PCED1B: variants seen among roughly 807,000 people sequenced by gnomAD.
PCED1B encodes the protein PC-esterase domain containing 1B, also known as PC-esterase domain-containing protein 1B.
For missense variants in PCED1B, 573 were observed against 573.9 expected (o/e 1.00, Z 0.02); for synonymous variants, 251 against 246.1 (o/e 1.02, Z -0.19).
chr12:47,235,362 A>C lies in PCED1B; in HGVS notation c.299A>C (p.Asp100Ala). 6.2e-7 allele frequency: 1 copy of C among 1,614,102 alleles called. No homozygotes were observed. Residue 100 changes from aspartate to alanine, a missense_variant, in exon 4 of 4, where the codon GAT becomes GCT. Asp to Ala is a moderately radical substitution (Grantham distance 126). Coordinates refer to ENST00000546455, the MANE Select transcript of PCED1B (RefSeq NM_138371.3). Reference protein sequence around the residue: ...RFYFLTRVYSDYLQTILKELQ... With the variant: ...RFYFLTRVYSAYLQTILKELQ... Reference sequence around the variant, plus strand: ...TACTTCCTCACCCGCGTGTACTCCGATTACCTCCAGACCATCTTGAAAGAG... The same window carrying C: ...TACTTCCTCACCCGCGTGTACTCCGCTTACCTCCAGACCATCTTGAAAGAG...
At position 47,222,117 on chromosome 12, in the gene PCED1B, A is replaced by T. The variant is rs855190; in HGVS notation, c.-58+5428A>T. ...GACTCTATCTCTTAAAAAAAAAATTAAAAAAAAAAAAAAAAAAAACGCCCG... is the reference window on the plus strand; with the variant it reads ...GACTCTATCTCTTAAAAAAAAAATTTAAAAAAAAAAAAAAAAAAACGCCCG... On this transcript the variant is annotated intron_variant, in intron 3 of 3. Transcript: ENST00000546455. Among the ~76,000 whole-genome samples the T allele has an allele frequency of 5.1e-3, 50 of 9,818 alleles. 1 individual carries two copies. The highest frequency in any genetic ancestry group is 0.014 in the African/African-American group (10 of 722). The allele number at this position is 9,818 out of a possible 152,430, so 6.4% of individuals were successfully genotyped here.
At chr12:47,140,130 T>A (rs1420827769) in intron 2 of PCED1B, among the ~76,000 whole-genome samples, 1 of 152,232 alleles carries the variant, frequency 6.6e-6, no homozygotes, top group East Asian at 1.9e-4. Flanking sequence ...CTACCTTGCA[T>A]ATGTTACTGC....
At chr12:47,166,685 C>T (rs1421106436) in intron 2 of PCED1B, among the ~76,000 whole-genome samples, 1 of 152,006 alleles carries the variant, frequency 6.6e-6, no homozygotes, top group Non-Finnish European at 1.5e-5. Context: ...TTTCTACAAA[C>T]AAGTAACTAA....
chr12:47,088,173 C>T (rs1938078781), intron 1 of PCED1B, among the ~76,000 whole-genome samples: 8 of 152,156 alleles, frequency 5.3e-5, no homozygotes, highest in Admixed American at 5.2e-4. Context: ...GAGTACTTGC[C>T]TTATTGCCCT....
intron 1 of PCED1B, among the ~76,000 whole-genome samples, chr12:47,087,173 T>C (rs1236843343): frequency 6.6e-6 from 1 of 152,162 alleles, no homozygotes; most frequent in East Asian, 1.9e-4. Flanking sequence ...CACATTAATA[T>C]AGGAGAAGAT....
chr12:47,161,057 C>T (rs1941362152), intron 2 of PCED1B, among the ~76,000 whole-genome samples: 1 of 152,188 alleles, frequency 6.6e-6, no homozygotes, highest in African/African-American at 2.4e-5. Flanking sequence ...ACACATGCAA[C>T]AAAAGCCTTC....
At chr12:47,228,145 G>T (rs189344726) in intron 3 of PCED1B, among the ~76,000 whole-genome samples, 1 of 150,048 alleles carries the variant, frequency 6.7e-6, no homozygotes, top group African/African-American at 2.5e-5. Flanking sequence ...AGCAATTCTC[G>T]TGCCTCAGCC....
chr12:47,144,657 G>A (rs1299840887), intron 2 of PCED1B, among the ~76,000 whole-genome samples: 15 of 152,124 alleles, frequency 9.9e-5, no homozygotes, highest in Non-Finnish European at 2.2e-4. Context: ...GCTATGTGAT[G>A]GACCCAAGGG....
At chr12:47,220,975 T>G (rs1328340793) in intron 3 of PCED1B, among the ~76,000 whole-genome samples, 1 of 151,930 alleles carries the variant, frequency 6.6e-6, no homozygotes, top group Non-Finnish European at 1.5e-5. Flanking sequence ...TTTCAGAAGA[T>G]CCCAAGAAGA....
chr12:47,115,482 C>T (rs1033172893), intron 2 of PCED1B, among the ~76,000 whole-genome samples: 4 of 152,102 alleles, frequency 2.6e-5, no homozygotes, highest in African/African-American at 9.7e-5. Context: ...CCAGAAACTG[C>T]TTCAATAAAG....
chr12:47,111,172 G>A (rs937790384), intron 2 of PCED1B, among the ~76,000 whole-genome samples: 1 of 152,048 alleles, frequency 6.6e-6, no homozygotes, highest in African/African-American at 2.4e-5. Context: ...GTGCCACAAG[G>A]ACATAAAGAT....
intron 2 of PCED1B, among the ~76,000 whole-genome samples, chr12:47,211,983 G>C (rs1314328416): frequency 6.6e-6 from 1 of 151,122 alleles, no homozygotes. Flanking sequence ...GCTGAGGCAG[G>C]AGAATGGCGT....
chr12:47,082,146 C>T (rs1240396198), intron 1 of PCED1B, among the ~76,000 whole-genome samples: 1 of 152,182 alleles, frequency 6.6e-6, no homozygotes, highest in Non-Finnish European at 1.5e-5. Context: ...TCTAGCATCC[C>T]TTCTCCTTCT....
intron 1 of PCED1B, among the ~76,000 whole-genome samples, chr12:47,097,919 T>C (rs1210929343): frequency 6.6e-6 from 1 of 152,252 alleles, no homozygotes; most frequent in African/African-American, 2.4e-5. Context: ...ACCAAATTGT[T>C]ACCCATGCTC....
chr12:47,136,130 G>T (rs1940362572), intron 2 of PCED1B, among the ~76,000 whole-genome samples: 1 of 111,082 alleles, frequency 9.0e-6, no homozygotes, highest in Non-Finnish European at 1.8e-5. Context: ...TCATGTTTTG[G>T]TATTCATTTC....
At chr12:47,106,187 TTTTA>T (rs1938939990) in intron 2 of PCED1B, among the ~76,000 whole-genome samples, 1 of 151,960 alleles carries the variant, frequency 6.6e-6, no homozygotes, top group Non-Finnish European at 1.5e-5. Context: ...ACAAAGACCA[TTTTA>T]TTTATTTATT....
intron 1 of PCED1B, among the ~76,000 whole-genome samples, chr12:47,080,762 TTTC>T (rs1167921553): frequency 3.3e-5 from 5 of 152,176 alleles, no homozygotes; most frequent in African/African-American, 4.8e-5. Context: ...CAGACCTTTT[TTTC>T]TTTTTTCTCT....
chr12:47,113,004 G>A (rs1420947297), intron 2 of PCED1B, among the ~76,000 whole-genome samples: 1 of 152,082 alleles, frequency 6.6e-6, no homozygotes, highest in African/African-American at 2.4e-5. Flanking sequence ...TGTTAGGTTT[G>A]CCTTTACAAT....
chr12:47,096,686 A>C (rs1420674319), intron 1 of PCED1B, among the ~76,000 whole-genome samples: 1 of 152,188 alleles, frequency 6.6e-6, no homozygotes, highest in Non-Finnish European at 1.5e-5. Context: ...AATATTTAAA[A>C]GTAGACTTTT....
Sources: gnomAD v4.1 joint callset for allele counts (sites outside exome capture counted in the v4.1 genomes callset) on GRCh38, gnomAD v4.1.1 for gene constraint, MANE v1.5 for transcripts, NCBI Gene and HGNC (gene_info 2026-07-23, HGNC 2026-07-21) for gene names.